The following CSMD1 variants were observed in gnomAD, a reference collection of about 807,000 sequenced individuals.
CSMD1 encodes the protein CUB and Sushi multiple domains 1.
CSMD1 carries 213 observed loss-of-function variants against 417.5 expected under a neutral mutation model. That is an observed-to-expected ratio of 0.51 (90% CI 0.46 to 0.57). The LOEUF is 0.57. CSMD1 is among the 20% of genes least tolerant of loss of function. CSMD1 has a pLI of 0.00. For missense variants in CSMD1, 6,923 were observed against 4,529.7 expected, an observed-to-expected ratio of 1.53 and a Z score of -15.17; for synonymous variants, 2,862 against 1,736.8, an observed-to-expected ratio of 1.65 and a Z score of -16.11.
At chr8:3,791,744 G>C (rs1019761473) in intron 5 of CSMD1, among the ~76,000 whole-genome samples, 2 of 152,102 alleles carry the variant, frequency 1.3e-5, no homozygotes, top group African/African-American at 4.8e-5. Context: ...AATCGCTTGA[G>C]CCTGGGAGGT....
At chr8:4,314,396 AAACT>A (rs1200636649) in intron 3 of CSMD1, among the ~76,000 whole-genome samples, 7 of 152,218 alleles carry the variant, frequency 4.6e-5, no homozygotes, top group Non-Finnish European at 1.0e-4. Flanking sequence ...GTTCACAGGC[AAACT>A]AACAGAAATA....
chr8:4,023,394 A>C (rs987882157), intron 4 of CSMD1, among the ~76,000 whole-genome samples: 13 of 152,188 alleles, frequency 8.5e-5, no homozygotes, highest in African/African-American at 2.9e-4. Flanking sequence ...ATGTGAAACA[A>C]AAGTAATTCC....
At chr8:4,447,224 G>A (rs1216900300) in intron 2 of CSMD1, among the ~76,000 whole-genome samples, 3 of 152,172 alleles carry the variant, frequency 2.0e-5, no homozygotes, top group Non-Finnish European at 4.4e-5. Flanking sequence ...ACATGACAAA[G>A]TTCTTGCCTG....
intron 25 of CSMD1, among the ~76,000 whole-genome samples, chr8:3,294,823 C>A (rs923990068): frequency 1.3e-5 from 2 of 152,078 alleles, no homozygotes; most frequent in Non-Finnish European, 2.9e-5. Context: ...TGGGCTGCAC[C>A]CATTGTCCTG....
At chr8:3,891,688 G>GAA (rs11389470) in intron 5 of CSMD1, among the ~76,000 whole-genome samples, 22 of 150,122 alleles carry the variant, frequency 1.5e-4, no homozygotes, top group Middle Eastern at 3.4e-3. Flanking sequence ...GTCTCAAAAC[G>GAA]AAAAAAAAAG....
At chr8:4,871,269 G>T (rs1208350337) in intron 1 of CSMD1, among the ~76,000 whole-genome samples, 3 of 152,124 alleles carry the variant, frequency 2.0e-5, no homozygotes, top group African/African-American at 7.3e-5. Context: ...CATTTTCTTA[G>T]GAAATTTTAA....
chr8:2,975,570 G>A (rs1399703334), intron 55 of CSMD1, among the ~76,000 whole-genome samples: 1 of 152,134 alleles, frequency 6.6e-6, no homozygotes, highest in African/African-American at 2.4e-5. Flanking sequence ...GTCTTACATG[G>A]ACATTGATTC....
At chr8:4,846,849 T>A (rs187925140) in intron 1 of CSMD1, among the ~76,000 whole-genome samples, 8 of 152,346 alleles carry the variant, frequency 5.3e-5, no homozygotes, top group Admixed American at 1.3e-4. Flanking sequence ...TATTTATATA[T>A]CAACTATATC....
chr8:3,800,669 TG>T (rs1232357857), intron 5 of CSMD1, among the ~76,000 whole-genome samples: 9 of 152,266 alleles, frequency 5.9e-5, no homozygotes, highest in Middle Eastern at 6.8e-3. Context: ...AACGGCTTGG[TG>T]ATATTCTCGT....
intron 11 of CSMD1, among the ~76,000 whole-genome samples, chr8:3,481,168 A>AC (rs1246096339): frequency 3.6e-4 from 54 of 148,034 alleles, no homozygotes; most frequent in Middle Eastern, 3.6e-3. Context: ...AAAAAAAAAA[A>AC]AAAAAAAAAA....
chr8:3,574,865 T>G (rs961316105), intron 10 of CSMD1, 80 bp downstream of exon 10: 8 of 1,481,766 alleles, frequency 5.4e-6, no homozygotes, highest in Non-Finnish European at 6.4e-6. Flanking sequence ...GGATAGCATT[T>G]GCTGGGCTGT....
chr8:4,145,336 G>T (rs1804046211), intron 3 of CSMD1, among the ~76,000 whole-genome samples: 2 of 151,000 alleles, frequency 1.3e-5, no homozygotes, highest in Admixed American at 6.6e-5. Context: ...GGAAAAAAAT[G>T]ATCCAATATG....
At chr8:3,847,781 T>C (rs774919001) in intron 5 of CSMD1, among the ~76,000 whole-genome samples, 1 of 152,146 alleles carries the variant, frequency 6.6e-6, no homozygotes, top group Non-Finnish European at 1.5e-5. Context: ...TCATAAGTGA[T>C]TAGGAAATAT....
chr8:4,354,985 A>G (rs535560392), intron 3 of CSMD1, among the ~76,000 whole-genome samples: 8 of 151,712 alleles, frequency 5.3e-5, no homozygotes, highest in Non-Finnish European at 1.0e-4. Flanking sequence ...TTTTGTGGCC[A>G]GGCACGGTGG....
At chr8:3,005,850 G>C (rs1202233856) in intron 52 of CSMD1, among the ~76,000 whole-genome samples, 5 of 152,050 alleles carry the variant, frequency 3.3e-5, no homozygotes, top group African/African-American at 1.2e-4. Flanking sequence ...CATTCCCTTT[G>C]AAAACGGGCA....
At chr8:3,248,705 CTAT>C (rs1249392533) in intron 26 of CSMD1, among the ~76,000 whole-genome samples, 3 of 151,908 alleles carry the variant, frequency 2.0e-5, no homozygotes, top group Non-Finnish European at 4.4e-5. Context: ...TGGTAAATTT[CTAT>C]TATTTACTGC....
At chr8:3,074,385 A>T (rs144182719) in intron 49 of CSMD1, among the ~76,000 whole-genome samples, 2 of 152,242 alleles carry the variant, frequency 1.3e-5, no homozygotes, top group African/African-American at 4.8e-5. Context: ...AGGAGGGTCC[A>T]CCGCACCCCC....
At chr8:3,959,556 G>A (rs1469873954) in intron 5 of CSMD1, among the ~76,000 whole-genome samples, 1 of 152,172 alleles carries the variant, frequency 6.6e-6, no homozygotes, top group Admixed American at 6.6e-5. Flanking sequence ...GAGACAAAGA[G>A]TTCCCATAGT....
intron 3 of CSMD1, among the ~76,000 whole-genome samples, chr8:4,407,137 G>A (rs567730938): frequency 2.4e-4 from 36 of 152,242 alleles, no homozygotes; most frequent in African/African-American, 8.7e-4. Flanking sequence ...CACCAGATGA[G>A]CTGCAAAGCC....
Sources: gnomAD v4.1 joint callset for allele counts (sites outside exome capture counted in the v4.1 genomes callset) on GRCh38, gnomAD v4.1.1 for gene constraint, MANE v1.5 for transcripts, NCBI Gene and HGNC (gene_info 2026-07-23, HGNC 2026-07-21) for gene names.